DSTN: variants seen among roughly 807,000 people sequenced by gnomAD.
DSTN encodes the protein destrin, actin depolymerizing factor.
In DSTN, 10 loss-of-function variants were observed where a neutral mutation model predicts 16.8. That is an observed-to-expected ratio of 0.60 (90% CI 0.37 to 1.01). The LOEUF is 1.01. Among genes scored for constraint, DSTN ranks in the 50% least tolerant of loss-of-function variants. The pLI is 0.01. For synonymous variants in DSTN, 57 were observed against 58.9 expected (o/e 0.97, Z 0.14); for missense variants, 141 against 196.7 (o/e 0.72, Z 1.69).
chr20:17,591,342 T>G (rs1378398596), intron 1 of DSTN, among the ~76,000 whole-genome samples: 2 of 25,384 alleles, frequency 7.9e-5, no homozygotes, highest in East Asian at 1.3e-3. Context: ...TATAATTGGG[T>G]TTTTTTTTTT....
At chr20:17,596,155 A>G (rs1367623533) in intron 1 of DSTN, among the ~76,000 whole-genome samples, 1 of 152,108 alleles carries the variant, frequency 6.6e-6, no homozygotes, top group Non-Finnish European at 1.5e-5. Context: ...CTTGCTTCTA[A>G]GATGCTGCTT....
At chr20:17,585,064 A>G (rs2035391030) in intron 1 of DSTN, among the ~76,000 whole-genome samples, 1 of 152,244 alleles carries the variant, frequency 6.6e-6, no homozygotes, top group Non-Finnish European at 1.5e-5. Flanking sequence ...GGTATGGATT[A>G]TTATAAGGCT....
chr20:17,605,332 C>G (rs748768335), intron 3 of DSTN: 1 of 347,778 alleles, frequency 2.9e-6, no homozygotes, highest in South Asian at 2.2e-5. Context: ...GGCCTTGATT[C>G]TCTCAGCTGT....
chr20:17,574,855 C>CTTT (rs1407970323), intron 1 of DSTN, among the ~76,000 whole-genome samples: 2 of 73,670 alleles, frequency 2.7e-5, no homozygotes, highest in Non-Finnish European at 2.6e-5. Flanking sequence ...TTTTCTTTTT[C>CTTT]TTTTCTTTTC....
intron 1 of DSTN, among the ~76,000 whole-genome samples, chr20:17,574,301 CTAAT>C (rs1316695026): frequency 1.3e-5 from 2 of 152,164 alleles, no homozygotes; most frequent in African/African-American, 2.4e-5. Flanking sequence ...CCTTAGCCAG[CTAAT>C]TACCAGAAGT....
chr20:17,580,933 G>A (rs1461938642), intron 1 of DSTN, among the ~76,000 whole-genome samples: 1 of 152,146 alleles, frequency 6.6e-6, no homozygotes, highest in Non-Finnish European at 1.5e-5. Flanking sequence ...ATTTGCCAGG[G>A]ACAGAAAAAA....
intron 2 of DSTN, among the ~76,000 whole-genome samples, 196 bp downstream of exon 2, chr20:17,601,241 C>CTTG (rs1696604481): frequency 1.4e-5 from 2 of 143,710 alleles, no homozygotes; most frequent in South Asian, 4.5e-4. Flanking sequence ...TTTCTATCTA[C>CTTG]TTGTTATGTG....
At chr20:17,606,045 T>G (rs2035639337) in intron 3 of DSTN, among the ~76,000 whole-genome samples, 1 of 151,738 alleles carries the variant, frequency 6.6e-6, no homozygotes, top group African/African-American at 2.4e-5. Flanking sequence ...GAGGCAGAGG[T>G]TGCAGTGAGC....
chr20:17,572,711 A>G (rs2035221093), intron 1 of DSTN, among the ~76,000 whole-genome samples: 1 of 152,224 alleles, frequency 6.6e-6, no homozygotes, highest in Non-Finnish European at 1.5e-5. Flanking sequence ...CCTATTTAAC[A>G]TATGAGAAAA....
chr20:17,572,277 A>C (rs1467235026), intron 1 of DSTN, among the ~76,000 whole-genome samples: 1 of 152,224 alleles, frequency 6.6e-6, no homozygotes, highest in South Asian at 2.1e-4. Context: ...GTCTCCTCCA[A>C]CAAAAAACAA....
intron 1 of DSTN, among the ~76,000 whole-genome samples, chr20:17,589,879 A>C (rs1232182405): frequency 6.6e-6 from 1 of 152,226 alleles, no homozygotes; most frequent in African/African-American, 2.4e-5. Flanking sequence ...TACCTTAGAA[A>C]AAAATTTTTT....
At chr20:17,581,233 T>G (rs1333240691) in intron 1 of DSTN, among the ~76,000 whole-genome samples, 4 of 152,010 alleles carry the variant, frequency 2.6e-5, no homozygotes, top group African/African-American at 9.7e-5. Context: ...GTAATCCCAA[T>G]GCTTTGGGAG....
chr20:17,570,617 T>C (rs2035191235), intron 1 of DSTN, among the ~76,000 whole-genome samples: 1 of 150,646 alleles, frequency 6.6e-6, no homozygotes, highest in East Asian at 1.9e-4. Context: ...GCCACCGTCC[T>C]TGTTGGCGTG....
At chr20:17,595,963 T>C (rs918570637) in intron 1 of DSTN, among the ~76,000 whole-genome samples, 1 of 152,188 alleles carries the variant, frequency 6.6e-6, no homozygotes, top group Admixed American at 6.5e-5. Flanking sequence ...CCATCTTATG[T>C]TTTCTGTCTT....
At chr20:17,594,619 A>G (rs1310657891) in intron 1 of DSTN, among the ~76,000 whole-genome samples, 1 of 152,182 alleles carries the variant, frequency 6.6e-6, no homozygotes, top group Admixed American at 6.5e-5. Context: ...TCAGCTTGCC[A>G]GGAAGGCTGG....
At chr20:17,584,321 G>C (rs1196080061) in intron 1 of DSTN, among the ~76,000 whole-genome samples, 1 of 151,960 alleles carries the variant, frequency 6.6e-6, no homozygotes, top group Admixed American at 6.6e-5. Flanking sequence ...TGAAATCACT[G>C]AATCAAAAAG....
intron 1 of DSTN, among the ~76,000 whole-genome samples, chr20:17,582,178 A>C (rs1459926369): frequency 6.6e-6 from 1 of 150,412 alleles, no homozygotes. Flanking sequence ...TCCTAGGTTC[A>C]AGCGATTCTC....
In DSTN at chr20:17,604,745, A is replaced by C. The variant is rs978444011; in HGVS notation, c.388+114A>C. On this transcript the variant is annotated intron_variant, in intron 3 of 3. Coordinates refer to ENST00000246069, the MANE Select transcript of DSTN (RefSeq NM_006870.4). ...TGCAGAGCTTCGGGCACAAGGGAGA[A>C]GTGTTACTTGTTTTGAGAAAAGCAG... 26 of 908,192 alleles carry C rather than the reference A, an allele frequency of 2.9e-5. No homozygotes were observed. In the Admixed American group the frequency reaches 4.4e-4, roughly 15 times the overall value. 56.3% of individuals were successfully genotyped at this position (908,192 alleles called of 1,614,324 possible).
At position 17,579,153 on chromosome 20, in the gene DSTN, G is replaced by A. The variant is rs968830908; in HGVS notation, c.3+8942G>A. Among the ~76,000 whole-genome samples the A allele has an allele frequency of 3.3e-5, 5 of 152,112 alleles. No homozygotes were observed. The East Asian group carries it at 9.6e-4, about 29-fold the overall frequency. On this transcript the variant is annotated intron_variant, in intron 1 of 3. Transcript: ENST00000246069. ...TTTTTAAATCTTGACTCTGCCACTT[G>A]CACTAACTGTATGACCTTTGGTAAG...
Sources: gnomAD v4.1 joint callset for allele counts (sites outside exome capture counted in the v4.1 genomes callset) on GRCh38, gnomAD v4.1.1 for gene constraint, MANE v1.5 for transcripts, NCBI Gene and HGNC (gene_info 2026-07-23, HGNC 2026-07-21) for gene names.